The following XKRX variants were observed in gnomAD, a reference collection of about 807,000 sequenced individuals.
XKRX encodes XK-related protein 2.
Under a neutral mutation model 22.4 loss-of-function variants are expected in XKRX, and 11 were observed. That is an observed-to-expected ratio of 0.49 (90% CI 0.31 to 0.81). The LOEUF (loss-of-function observed/expected upper bound fraction) is 0.81, where lower values mean the gene tolerates loss of function less well. Ranked by LOEUF, XKRX falls within the 40% of genes least tolerant of loss-of-function variation. XKRX has a pLI of 0.05. For synonymous variants in XKRX, 114 were observed against 132.2 expected (o/e 0.86, Z 0.94); for missense variants, 320 against 336.5 (o/e 0.95, Z 0.38).
At chrX:100,917,160 C>G (rs2085440478) in intron 2 of XKRX, among the ~76,000 whole-genome samples, 1 of 110,558 alleles carries the variant, frequency 9.0e-6, no homozygotes, top group African/African-American at 3.3e-5. Flanking sequence ...GATGGCATGC[C>G]TGTAATCCCA....
chrX:100,894,532 G>A, the XKRX span, among the ~76,000 whole-genome samples: 2 of 110,857 alleles, frequency 1.8e-5, no homozygotes, highest in Non-Finnish European at 3.8e-5. Flanking sequence ...CTCCACTCCC[G>A]GGGCTCAAGC....
the XKRX span, among the ~76,000 whole-genome samples, chrX:100,899,794 G>A: frequency 0.031 from 3,480 of 111,401 alleles, 135 homozygotes; most frequent in African/African-American, 0.11. Context: ...ATTAAACCAA[G>A]GAAGGGCAAG....
upstream of XKRX, among the ~76,000 whole-genome samples, chrX:100,930,858 G>A (rs943881253): frequency 3.6e-5 from 4 of 110,514 alleles, no homozygotes; most frequent in East Asian, 2.8e-4. Context: ...TCAGCCGGGC[G>A]CGGTAGCTCA....
chrX:100,890,026 G>T, the XKRX span, among the ~76,000 whole-genome samples: 1 of 111,530 alleles, frequency 9.0e-6, no homozygotes, highest in African/African-American at 3.3e-5. Context: ...GCCTCCAGAA[G>T]TATGAGGCAA....
chrX:100,913,189 C>G (rs1265212995), downstream of XKRX, among the ~76,000 whole-genome samples: 1 of 106,834 alleles, frequency 9.4e-6, no homozygotes, highest in Non-Finnish European at 1.9e-5. Flanking sequence ...CAGAGCGAGA[C>G]TCCATCTCAA....
At chrX:100,887,564 G>T in the XKRX span, 1 of 514,857 alleles carries the variant, frequency 1.9e-6, no homozygotes, top group South Asian at 2.4e-5. Flanking sequence ...CTGAGTTCAC[G>T]AATCTGTTGT....
At chrX:100,905,749 T>C in the XKRX span, among the ~76,000 whole-genome samples, 1 of 111,993 alleles carries the variant, frequency 8.9e-6, no homozygotes, top group Non-Finnish European at 1.9e-5. Flanking sequence ...ATTTAACTCA[T>C]TGAGGAGGAA....
chrX:100,945,743 G>A, the XKRX span, among the ~76,000 whole-genome samples: 7 of 100,392 alleles, frequency 7.0e-5, no homozygotes, highest in African/African-American at 2.6e-4. Context: ...GGAGGCAGAG[G>A]TTGCAGTGAG....
At chrX:100,891,629 G>T in the XKRX span, among the ~76,000 whole-genome samples, 1 of 109,451 alleles carries the variant, frequency 9.1e-6, no homozygotes, top group African/African-American at 3.3e-5. Flanking sequence ...TGGTGCTCAT[G>T]CCTGTAATCC....
chrX:100,955,291 G>A, the XKRX span, among the ~76,000 whole-genome samples: 1 of 112,077 alleles, frequency 8.9e-6, no homozygotes, highest in African/African-American at 3.2e-5. Context: ...AGTTACACAA[G>A]TGATTACCAT....
In XKRX at chrX:100,922,850, G is replaced by A; in HGVS notation, c.547C>T (p.Gln183Ter). The change falls in exon 2 of 3, where the codon CAG becomes TAG. Residue 183 changes from glutamine (Q) to a stop codon, truncating the protein, a stop_gained. Coordinates refer to ENST00000372956, the MANE Select transcript of XKRX (RefSeq NM_212559.3). LOFTEE classifies it high-confidence loss of function. ...QIQAFLGSVP[Q>*]LTYQLYVSLI... is the part of the protein sequence containing the mutation. Reference sequence around the variant, plus strand: ...CTCACATAGAGCTGATAGGTCAGCTGGGGCACTGAGCCCAGGAAGGCTTGG... The same window carrying A: ...CTCACATAGAGCTGATAGGTCAGCTAGGGCACTGAGCCCAGGAAGGCTTGG... 8.3e-7 allele frequency: 1 copy of A among 1,211,029 alleles called. No homozygotes were observed. Among genetic ancestry groups the A allele is most frequent in the Non-Finnish European group, 1.1e-6 (1 of 895,177 alleles).
chrX:100,944,037 A>G, the XKRX span, among the ~76,000 whole-genome samples: 1 of 111,960 alleles, frequency 8.9e-6, no homozygotes, highest in Non-Finnish European at 1.9e-5. Context: ...AGTTGTACCA[A>G]TTTATATAAC....
chrX:100,920,798 C>T (rs1021356383), intron 2 of XKRX, among the ~76,000 whole-genome samples: 5 of 111,640 alleles, frequency 4.5e-5, no homozygotes, highest in East Asian at 5.6e-4. Flanking sequence ...CTCCCTCTGT[C>T]GCCCAGGCTG....
chrX:100,957,389 G>A, the XKRX span: 4 of 1,207,326 alleles, frequency 3.3e-6, no homozygotes, highest in South Asian at 1.8e-5. Context: ...GTGCTGATGA[G>A]CTGACCCCCG....
intron 1 of XKRX, among the ~76,000 whole-genome samples, chrX:100,927,640 G>GA (rs200407789): frequency 3.7e-5 from 4 of 109,473 alleles, no homozygotes; most frequent in South Asian, 3.9e-4. Flanking sequence ...CCTTGTCTCA[G>GA]AAAAAAAAAA....
chrX:100,922,832 A>G lies in XKRX; in HGVS notation c.565T>C (p.Tyr189His). The G allele has an allele frequency of 8.3e-7, 1 of 1,211,135 alleles. No homozygotes were observed. Among genetic ancestry groups the G allele is most frequent in the South Asian group, 1.8e-5 (1 of 56,937 alleles). Residue 189 changes from tyrosine (Y) to histidine (H), a missense_variant, in exon 2 of 3, where the codon TAT (tyrosine) becomes CAT (histidine). Physicochemically the swap from Tyr to His is moderately conservative, Grantham distance 83. Transcript: ENST00000372956. ...ACCTCTGCAGAGATCAGGCTCACAT[A>G]GAGCTGATAGGTCAGCTGGGGCACT... Reference protein sequence around the residue: ...GSVPQLTYQLYVSLISAEVPL... With the variant: ...GSVPQLTYQLHVSLISAEVPL...
the XKRX span, among the ~76,000 whole-genome samples, chrX:100,899,741 C>T: frequency 8.9e-6 from 1 of 111,795 alleles, no homozygotes; most frequent in Non-Finnish European, 1.9e-5. Flanking sequence ...ATTAAGGAAA[C>T]AATTTCATTT....
At chrX:100,951,805 C>G in the XKRX span, among the ~76,000 whole-genome samples, 43 of 111,494 alleles carry the variant, frequency 3.9e-4, no homozygotes, top group African/African-American at 1.3e-3. Context: ...ATTAAATAGA[C>G]CAATTTCTCA....
chrX:100,916,363 T>A (rs1461499764), intron 2 of XKRX, among the ~76,000 whole-genome samples: 1 of 112,297 alleles, frequency 8.9e-6, no homozygotes, highest in Admixed American at 9.4e-5. Context: ...GATGAACATA[T>A]ACTGTAACAC....
Sources: allele counts gnomAD v4.1 joint callset (sites outside exome capture counted in the v4.1 genomes callset), GRCh38; gene constraint gnomAD v4.1.1; transcripts MANE v1.5; gene names NCBI Gene and HGNC (gene_info 2026-07-23, HGNC 2026-07-21).